SAMD5: variants seen among roughly 807,000 people sequenced by gnomAD.
The protein encoded by SAMD5 is sterile alpha motif domain containing 5.
SAMD5 carries 13 observed loss-of-function variants against 11.3 expected under a neutral mutation model. The observed-to-expected ratio is 1.15, with a 90% CI of 0.75 to 1.83. The LOEUF is 1.83. Ranked by LOEUF, SAMD5 falls within the 40% of genes most tolerant of loss-of-function variation. The pLI, the probability that SAMD5 is intolerant of heterozygous loss-of-function variation, is 0.00. For missense variants in SAMD5, 255 were observed against 239.1 expected (o/e 1.07, Z -0.44); for synonymous variants, 129 against 111.3 (o/e 1.16, Z -1.00).
At chr6:147,898,716 A>G in the SAMD5 span, among the ~76,000 whole-genome samples, 1 of 152,166 alleles carries the variant, frequency 6.6e-6, no homozygotes, top group Non-Finnish European at 1.5e-5. Flanking sequence ...GTATCACATT[A>G]TAGCATATAA....
chr6:147,949,089 A>G, the SAMD5 span, among the ~76,000 whole-genome samples: 3 of 152,346 alleles, frequency 2.0e-5, no homozygotes, highest in Non-Finnish European at 2.9e-5. Flanking sequence ...GAACCAAGAC[A>G]TTATTTGAAC....
intron 1 of SAMD5, among the ~76,000 whole-genome samples, chr6:147,618,680 A>G (rs1789912022): frequency 1.3e-5 from 2 of 152,078 alleles, no homozygotes; most frequent in Non-Finnish European, 2.9e-5. Flanking sequence ...CAGTCTGGAG[A>G]GCTTCAGTCC....
chr6:147,916,292 G>C, the SAMD5 span, among the ~76,000 whole-genome samples: 1 of 152,030 alleles, frequency 6.6e-6, no homozygotes, highest in Non-Finnish European at 1.5e-5. Flanking sequence ...TGGGTCAAAT[G>C]GTATTTCTAG....
At chr6:147,923,222 T>C in the SAMD5 span, among the ~76,000 whole-genome samples, 11 of 152,230 alleles carry the variant, frequency 7.2e-5, no homozygotes, top group African/African-American at 2.7e-4. Context: ...TGCGGGTTTA[T>C]AACAAGTGCA....
At chr6:147,710,894 A>G (rs1178506351) in intron 1 of SAMD5, among the ~76,000 whole-genome samples, 4 of 150,118 alleles carry the variant, frequency 2.7e-5, no homozygotes, top group Non-Finnish European at 5.9e-5. Flanking sequence ...AGGGAGAAAC[A>G]GTGTCTTGTG....
the SAMD5 span, among the ~76,000 whole-genome samples, chr6:147,783,243 G>T: frequency 6.6e-6 from 1 of 152,014 alleles, no homozygotes; most frequent in Non-Finnish European, 1.5e-5. Context: ...TCAGGATCTG[G>T]CTGTTATAAC....
intron 1 of SAMD5, among the ~76,000 whole-genome samples, chr6:147,561,400 A>G (rs1441624790): frequency 3.9e-5 from 6 of 152,038 alleles, no homozygotes; most frequent in South Asian, 2.1e-4. Flanking sequence ...TTTGGCCAGG[A>G]TGGTCTCGAT....
At chr6:147,886,589 G>T in the SAMD5 span, among the ~76,000 whole-genome samples, 3 of 151,826 alleles carry the variant, frequency 2.0e-5, no homozygotes, top group Non-Finnish European at 4.4e-5. Context: ...GTGACTCCTG[G>T]ATTACTTTAT....
intron 1 of SAMD5, among the ~76,000 whole-genome samples, chr6:147,668,234 G>A (rs891222703): frequency 6.6e-6 from 1 of 152,020 alleles, no homozygotes; most frequent in African/African-American, 2.4e-5. Context: ...ACGCACATAC[G>A]TATGTAGATC....
downstream of SAMD5, among the ~76,000 whole-genome samples, chr6:147,738,761 C>A (rs961769725): frequency 2.0e-5 from 3 of 152,180 alleles, no homozygotes; most frequent in African/African-American, 4.8e-5. Context: ...TGTCTGGCCA[C>A]CCCTGACTGT....
the SAMD5 span, among the ~76,000 whole-genome samples, chr6:147,944,123 C>G: frequency 6.6e-6 from 1 of 152,160 alleles, no homozygotes; most frequent in Non-Finnish European, 1.5e-5. Flanking sequence ...TTTCCCTCCC[C>G]CTCTCTCACT....
chr6:147,789,603 T>C, the SAMD5 span, among the ~76,000 whole-genome samples: 1 of 152,220 alleles, frequency 6.6e-6, no homozygotes, highest in East Asian at 1.9e-4. Context: ...TTGTAATTAA[T>C]GAAGAAATGC....
the SAMD5 span, among the ~76,000 whole-genome samples, chr6:147,893,209 A>C: frequency 6.6e-6 from 1 of 152,180 alleles, no homozygotes; most frequent in African/African-American, 2.4e-5. Flanking sequence ...TCTAGAAAAA[A>C]AAAAAAAAAG....
In SAMD5 at chr6:147,644,173, C is replaced by T. The variant is rs963365768; in HGVS notation, c.163-93144C>T. Among the ~76,000 whole-genome samples, 51 of 151,982 alleles carry T rather than the reference C, an allele frequency of 3.4e-4. 1 individual carries two copies. Among genetic ancestry groups the T allele is most frequent in the Admixed American group, 6.6e-5 (1 of 15,236 alleles). ...GACACCAAGCCTAGAAGTGTCTGCT[C>T]CTGAAATGCTGCTCTAATTAGAAAA... On this transcript the variant is annotated intron_variant, in intron 1 of 1. Transcript: ENST00000566741.
chr6:147,514,464 A>T (rs1029437004), intron 1 of SAMD5, among the ~76,000 whole-genome samples: 1 of 150,934 alleles, frequency 6.6e-6, no homozygotes, highest in Non-Finnish European at 1.5e-5. Flanking sequence ...GGTCATAAAC[A>T]TTACATGATG....
chr6:147,843,942 C>T, the SAMD5 span, among the ~76,000 whole-genome samples: 1 of 152,092 alleles, frequency 6.6e-6, no homozygotes, highest in African/African-American at 2.4e-5. Context: ...ACAGTGATTT[C>T]TTGAATATGA....
intron 1 of SAMD5, among the ~76,000 whole-genome samples, chr6:147,614,335 G>T (rs997244603): frequency 5.3e-5 from 8 of 151,840 alleles, no homozygotes; most frequent in Middle Eastern, 3.4e-3. Context: ...TGGGTGTGGC[G>T]GTGGGCACCT....
chr6:147,623,592 A>G (rs1790004347), intron 1 of SAMD5, among the ~76,000 whole-genome samples: 1 of 152,208 alleles, frequency 6.6e-6, no homozygotes, highest in Non-Finnish European at 1.5e-5. Context: ...ACATTCATTG[A>G]AGGAAATAAT....
the SAMD5 span, among the ~76,000 whole-genome samples, chr6:147,874,734 A>G: frequency 3.7e-4 from 50 of 134,252 alleles, 2 homozygotes; most frequent in South Asian, 0.012. Context: ...AAGATGTCGA[A>G]CAAGAATTTT....
Sources: gnomAD v4.1 joint callset for allele counts (sites outside exome capture counted in the v4.1 genomes callset) on GRCh38, gnomAD v4.1.1 for gene constraint, MANE v1.5 for transcripts, NCBI Gene and HGNC (gene_info 2026-07-23, HGNC 2026-07-21) for gene names.